CACNB2: variants seen among roughly 807,000 people sequenced by gnomAD.
CACNB2 encodes voltage-dependent L-type calcium channel subunit beta-2.
CACNB2 carries 42 observed loss-of-function variants against 73.3 expected under a neutral mutation model. The ratio of observed to expected loss-of-function variants is 0.57; its 90% CI spans 0.45 to 0.74. CACNB2 has a LOEUF of 0.74. Among genes scored for constraint, CACNB2 ranks in the 30% least tolerant of loss-of-function variants. The pLI, the probability that CACNB2 is intolerant of heterozygous loss-of-function variation, is 0.00. For synonymous variants in CACNB2, 348 were observed against 310.3 expected, an observed-to-expected ratio of 1.12 and a Z score of -1.28; for missense variants, 940 against 853.0, an observed-to-expected ratio of 1.10 and a Z score of -1.27.
intron 2 of CACNB2, among the ~76,000 whole-genome samples, chr10:18,262,810 G>T (rs895245442): frequency 6.6e-6 from 1 of 151,976 alleles, no homozygotes; most frequent in African/African-American, 2.4e-5. Context: ...CTGAAATAAG[G>T]CCTCCAACAA....
At chr10:18,455,216 T>C (rs1001240098) in intron 3 of CACNB2, among the ~76,000 whole-genome samples, 2 of 152,144 alleles carry the variant, frequency 1.3e-5, no homozygotes, top group Admixed American at 1.3e-4. Context: ...TGCACAGCAG[T>C]CATTGCACAG....
At chr10:18,473,165 C>G (rs924900064) in intron 3 of CACNB2, among the ~76,000 whole-genome samples, 46 of 152,330 alleles carry the variant, frequency 3.0e-4, no homozygotes, top group African/African-American at 1.1e-3. Context: ...GCTCCACCCA[C>G]TGGCAATTCT....
rs11288271 is a variant in CACNB2, at chr10:18,274,227, G to GA, written c.213+123261dup. Among the ~76,000 whole-genome samples, 4 of 151,196 alleles carry GA rather than the reference G, an allele frequency of 2.6e-5. No homozygotes were observed. In the East Asian group the frequency reaches 5.9e-4, roughly 22 times the overall value. ...TTTGATGAAAATAAATGTCAGTCCA[G>GA]AAAAAAAAAGAGGAGAGAGAAGGCA... On this transcript the variant is annotated intron_variant, in intron 2 of 13. Transcript: ENST00000324631.
At chr10:18,145,737 T>C (rs544403446) in intron 1 of CACNB2, among the ~76,000 whole-genome samples, 1 of 152,258 alleles carries the variant, frequency 6.6e-6, no homozygotes, top group South Asian at 2.1e-4. Context: ...TAACATAACA[T>C]GGTTATGTTA....
At chr10:18,482,958 AGCTCATCTGT>A (rs1488460450) in intron 3 of CACNB2, among the ~76,000 whole-genome samples, 4 of 152,194 alleles carry the variant, frequency 2.6e-5, no homozygotes, top group Admixed American at 2.6e-4. Context: ...TCATATATTC[AGCTCATCTGT>A]GCCTTCCTCC....
At chr10:18,337,578 TA>T (rs1374829890) in intron 2 of CACNB2, among the ~76,000 whole-genome samples, 6 of 152,196 alleles carry the variant, frequency 3.9e-5, no homozygotes, top group African/African-American at 1.4e-4. Context: ...CAAAGAAGCA[TA>T]GAAAATATTA....
chr10:18,244,420 G>A (rs1394722957), intron 2 of CACNB2, among the ~76,000 whole-genome samples: 1 of 152,176 alleles, frequency 6.6e-6, no homozygotes, highest in East Asian at 1.9e-4. Flanking sequence ...GATCCCTAAA[G>A]GATATGGCTT....
chr10:18,294,569 G>T (rs2039199601), intron 2 of CACNB2, among the ~76,000 whole-genome samples: 1 of 152,224 alleles, frequency 6.6e-6, no homozygotes, highest in South Asian at 2.1e-4. Flanking sequence ...GAACAGGGAA[G>T]GGGTTAGGAA....
chr10:18,329,423 C>G (rs146788489), intron 2 of CACNB2, among the ~76,000 whole-genome samples: 41 of 148,842 alleles, frequency 2.8e-4, no homozygotes, highest in African/African-American at 9.7e-4. Context: ...TGAATCCTGC[C>G]GATAATGTTT....
At chr10:18,410,959 G>A (rs989416448) in intron 3 of CACNB2, among the ~76,000 whole-genome samples, 8 of 151,998 alleles carry the variant, frequency 5.3e-5, no homozygotes, top group Non-Finnish European at 1.2e-4. Flanking sequence ...CAGCCTGGGC[G>A]ACAGAGCAAG....
At chr10:18,464,031 T>G (rs1019033655) in intron 3 of CACNB2, among the ~76,000 whole-genome samples, 2 of 152,114 alleles carry the variant, frequency 1.3e-5, no homozygotes, top group African/African-American at 4.8e-5. Context: ...GTCAGAGAAG[T>G]CATAAACATC....
At chr10:18,407,269 G>T (rs942144946) in intron 3 of CACNB2, among the ~76,000 whole-genome samples, 1 of 150,906 alleles carries the variant, frequency 6.6e-6, no homozygotes, top group African/African-American at 2.4e-5. Context: ...TTACAGGCAC[G>T]CACCACCACA....
intron 3 of CACNB2, among the ~76,000 whole-genome samples, chr10:18,468,375 C>T (rs1258009243): frequency 4.0e-5 from 6 of 151,896 alleles, no homozygotes; most frequent in African/African-American, 7.2e-5. Flanking sequence ...GCAGGAGAAT[C>T]GCTTGAGCCT....
chr10:18,274,895 A>G (rs1588909238), intron 2 of CACNB2, among the ~76,000 whole-genome samples: 2 of 152,010 alleles, frequency 1.3e-5, no homozygotes, highest in East Asian at 1.9e-4. Flanking sequence ...TCTTCTCTGT[A>G]TGATTTCTTA....
intron 3 of CACNB2, among the ~76,000 whole-genome samples, chr10:18,426,297 C>T (rs77499115): frequency 0.014 from 2,190 of 152,142 alleles, 74 homozygotes; most frequent in South Asian, 0.11. Flanking sequence ...AGAATATTTT[C>T]GATAAAGGTC....
chr10:18,231,221 G>A (rs1168822195), intron 2 of CACNB2, among the ~76,000 whole-genome samples: 9 of 152,132 alleles, frequency 5.9e-5, no homozygotes, highest in Admixed American at 5.2e-4. Context: ...CTGTTGCCCA[G>A]GCTAGAGTGC....
At chr10:18,410,195 A>G (rs993080025) in intron 3 of CACNB2, among the ~76,000 whole-genome samples, 1 of 152,088 alleles carries the variant, frequency 6.6e-6, no homozygotes, top group African/African-American at 2.4e-5. Context: ...CTACTCTGCT[A>G]GTTAATTAGT....
intron 2 of CACNB2, among the ~76,000 whole-genome samples, chr10:18,389,276 G>A (rs771052361): frequency 3.9e-5 from 6 of 152,080 alleles, no homozygotes; most frequent in Non-Finnish European, 7.4e-5. Context: ...AGCTAGGACT[G>A]CAGGTGTGTG....
At chr10:18,255,785 C>T (rs2037260871) in intron 2 of CACNB2, among the ~76,000 whole-genome samples, 1 of 152,156 alleles carries the variant, frequency 6.6e-6, no homozygotes, top group African/African-American at 2.4e-5. Context: ...AGAAGACGGA[C>T]CCTTCTTTCC....
Sources: gnomAD v4.1 joint callset for allele counts (sites outside exome capture counted in the v4.1 genomes callset) on GRCh38, gnomAD v4.1.1 for gene constraint, MANE v1.5 for transcripts, NCBI Gene and HGNC (gene_info 2026-07-23, HGNC 2026-07-21) for gene names.